FLNB: variants seen among roughly 807,000 people sequenced by gnomAD.
The protein encoded by FLNB is filamin B.
In FLNB, 111 loss-of-function variants were observed where a neutral mutation model predicts 250.6. The observed-to-expected ratio is 0.44, with a 90% CI of 0.38 to 0.52. FLNB has a LOEUF of 0.52. FLNB is among the 20% of genes least tolerant of loss of function. The pLI is 0.00. For synonymous variants in FLNB, 1,302 were observed against 1,372.1 expected (o/e 0.95, Z 1.13); for missense variants, 2,869 against 3,447.8 (o/e 0.83, Z 4.20).
chr3:58,073,964 T>G (rs973571457), intron 1 of FLNB, among the ~76,000 whole-genome samples: 1 of 152,210 alleles, frequency 6.6e-6, no homozygotes, highest in African/African-American at 2.4e-5. Flanking sequence ...AGCAAGAGAA[T>G]CTGTCTCCTG....
intron 28 of FLNB, 99 bp from the exon 29 acceptor site, chr3:58,138,183 C>CATTT (rs1204098988): frequency 1.3e-6 from 2 of 1,525,008 alleles, no homozygotes; most frequent in African/African-American, 2.7e-5. Flanking sequence ...GGAGGCCTAA[C>CATTT]ATTTACAGGC....
chr3:58,111,720 T>A (rs1198690749), intron 16 of FLNB, 71 bp from the exon 17 acceptor site: 1 of 1,118,326 alleles, frequency 8.9e-7, no homozygotes, highest in East Asian at 2.4e-5. Flanking sequence ...GGTTCACCCT[T>A]TGTTGAAGGC....
intron 1 of FLNB, among the ~76,000 whole-genome samples, chr3:58,067,394 T>A (rs921745672): frequency 6.6e-6 from 1 of 152,148 alleles, no homozygotes; most frequent in Non-Finnish European, 1.5e-5. Context: ...TTGTGATCTT[T>A]GAGTAGTTCA....
In FLNB at chr3:58,145,964, T is replaced by A; in HGVS notation, c.5469T>A (p.Ser1823Arg). ...ACGTGAACTACCCCAACAGTGGAAG[T>A]GTTTCTGCATACGGTCCAGGCCTCG... Reference protein sequence around the residue: ...QFYVNYPNSGSVSAYGPGLVY... With the variant: ...QFYVNYPNSGRVSAYGPGLVY... The change falls in exon 33 of 46, where the codon AGT becomes AGA. Residue 1823 changes from serine (S) to arginine (R), a missense_variant. Coordinates refer to ENST00000295956, the MANE Select transcript of FLNB (RefSeq NM_001457.4). 2 of 1,614,178 alleles carry A rather than the reference T, an allele frequency of 1.2e-6. No homozygotes were observed. Among genetic ancestry groups the A allele is most frequent in the Non-Finnish European group, 1.7e-6 (2 of 1,180,026 alleles).
At chr3:58,141,829 C>T (rs2097327619) in intron 29 of FLNB, 29 bp from the exon 30 acceptor site, 1 of 1,607,942 alleles carries the variant, frequency 6.2e-7, no homozygotes, top group South Asian at 1.1e-5. Context: ...AGTATGGTTC[C>T]CAACTAATCT....
chr3:58,106,947 T>A, intron 12 of FLNB, 74 bp downstream of exon 12: 3 of 1,219,076 alleles, frequency 2.5e-6, no homozygotes, highest in Non-Finnish European at 3.6e-6. Flanking sequence ...GAAGTTGCCT[T>A]AAGCAGCATG....
Position 58,123,370 on chromosome 3 carries a change from A to G in FLNB, c.3404A>G (p.Lys1135Arg). ...ATTGAAATGCCCTTTGACCCCTCTA[A>G]AGTCGTGGCATCGGGGCCAGGTCTC... The part of the protein sequence containing the change: ...ADIEMPFDPS[K>R]VVASGPGLEH... The change falls in exon 21 of 46, where the codon AAA becomes AGA. Residue 1135 changes from lysine to arginine, a missense_variant. Around this residue, in one of 5 missense-constraint regions of FLNB, gnomAD observed 1,348 missense variants for 1,466.7 expected, o/e 0.92. Coordinates refer to ENST00000295956, the MANE Select transcript of FLNB (RefSeq NM_001457.4). The G allele has an allele frequency of 1.2e-6, 2 of 1,613,904 alleles. No individual in the cohort carries two copies. Among genetic ancestry groups the G allele is most frequent in the Non-Finnish European group, 1.7e-6 (2 of 1,179,954 alleles).
At chr3:58,155,633 C>T (rs1457536514) in intron 40 of FLNB, among the ~76,000 whole-genome samples, 2 of 152,172 alleles carry the variant, frequency 1.3e-5, no homozygotes, top group African/African-American at 4.8e-5. Flanking sequence ...TTCTTGTCAA[C>T]ATTTCTGAAG....
intron 38 of FLNB, chr3:58,150,493 A>C (rs950670926): frequency 3.9e-6 from 2 of 518,456 alleles, no homozygotes; most frequent in Non-Finnish European, 7.0e-6. Context: ...AAACGTAGAT[A>C]TGCTTTTAGA....
At chr3:58,096,903 G>T (rs975325715) in intron 6 of FLNB, among the ~76,000 whole-genome samples, 1 of 152,236 alleles carries the variant, frequency 6.6e-6, no homozygotes. Context: ...TAGTTCAGCT[G>T]AATATAGTAG....
intron 3 of FLNB, among the ~76,000 whole-genome samples, chr3:58,079,803 G>A (rs1225250335): frequency 1.3e-5 from 2 of 152,180 alleles, no homozygotes; most frequent in East Asian, 3.8e-4. Context: ...CGTGTCCAAA[G>A]GCTAGCCAGG....
intron 1 of FLNB, among the ~76,000 whole-genome samples, chr3:58,022,818 GCTT>G (rs2097115921): frequency 1.3e-5 from 2 of 151,642 alleles, no homozygotes; most frequent in Admixed American, 1.3e-4. Context: ...TTTGAAATTT[GCTT>G]CTTTTTTTTT....
chr3:58,085,327 G>C (rs1358064072), intron 4 of FLNB, among the ~76,000 whole-genome samples: 1 of 152,246 alleles, frequency 6.6e-6, no homozygotes, highest in Non-Finnish European at 1.5e-5. Context: ...GGCCACATGG[G>C]TGGGGCTGTG....
Position 58,008,608 on chromosome 3 carries a change from A to G in FLNB, c.44A>G (p.Lys15Arg). Residue 15 changes from lysine to arginine, a missense_variant, in exon 1 of 46, where the codon AAG becomes AGG. Around this residue, in one of 5 missense-constraint regions of FLNB, gnomAD observed 308 missense variants for 466.1 expected, o/e 0.66. Transcript: ENST00000295956. ...EKDLAEDAPW[K>R]KIQQNTFTRW... ...GATCTAGCTGAGGACGCGCCTTGGAAGAAGATCCAGCAGAACACGTTCACA... is the reference window on the plus strand; with the variant it reads ...GATCTAGCTGAGGACGCGCCTTGGAGGAAGATCCAGCAGAACACGTTCACA... 1 of 1,612,450 alleles carries G rather than the reference A, an allele frequency of 6.2e-7. No homozygotes were observed. The highest frequency in any genetic ancestry group is 8.5e-7 in the Non-Finnish European group (1 of 1,179,472).
At position 58,145,960 on chromosome 3, in the gene FLNB, G is replaced by A. The variant is rs768702826; in HGVS notation, c.5465G>A (p.Gly1822Glu). Residue 1822 changes from glycine (G) to glutamate (E), a missense_variant, in exon 33 of 46, where the codon GGA (glycine) becomes GAA (glutamate). By Grantham distance (98) the Gly-to-Glu change is moderately conservative. Around this residue, in one of 5 missense-constraint regions of FLNB, gnomAD observed 1,084 missense variants for 1,315.5 expected, o/e 0.82. Coordinates refer to ENST00000295956, the MANE Select transcript of FLNB (RefSeq NM_001457.4). ...TTCTACGTGAACTACCCCAACAGTG[G>A]AAGTGTTTCTGCATACGGTCCAGGC... ...LQFYVNYPNSGSVSAYGPGLV... is the reference protein window; with the variant it reads ...LQFYVNYPNSESVSAYGPGLV... 5.0e-6 allele frequency: 8 copies of A among 1,614,186 alleles called. No individual in the cohort carries two copies. The South Asian group carries it at 6.6e-5, about 13-fold the overall frequency.
intron 4 of FLNB, among the ~76,000 whole-genome samples, chr3:58,093,686 C>G (rs1225131616): frequency 6.6e-6 from 1 of 151,950 alleles, no homozygotes; most frequent in African/African-American, 2.4e-5. Context: ...TTTACAGCAG[C>G]TTTATTGGTA....
rs541025292 is a variant in FLNB at position 58,142,895 on chromosome 3, CG to C, written c.5284+144del. ...GAGTTCTTGGTCTCCGGTGTTGGGC[CG>C]TGGGCTCCTGAAACTACAGAATATG... On this transcript the variant is annotated intron_variant, in intron 31 of 45. Transcript: ENST00000295956. The surrounding 1 kb of genome is among the most constrained non-coding windows in gnomAD (Gnocchi z 4.3). The C allele has an allele frequency of 2.7e-3, 1,940 of 713,394 alleles. 3 individuals carry two copies. The highest frequency in any genetic ancestry group is 5.8e-3 in the Middle Eastern group (18 of 3,080). 44.2% of individuals were successfully genotyped at this position (713,394 alleles called of 1,614,324 possible). A position where few individuals can be genotyped will look rare whatever the true frequency, so the allele number is the denominator to read the frequency against.
At chr3:58,087,469 TTTGAGA>T (rs2097219056) in intron 4 of FLNB, among the ~76,000 whole-genome samples, 1 of 152,112 alleles carries the variant, frequency 6.6e-6, no homozygotes, top group Non-Finnish European at 1.5e-5. Flanking sequence ...CTTTTTTTTT[TTTGAGA>T]CGGAGTCTCA....
intron 7 of FLNB, among the ~76,000 whole-genome samples, chr3:58,098,349 G>C (rs2097242679): frequency 6.6e-6 from 1 of 152,084 alleles, no homozygotes. Context: ...TGTTGTTGGG[G>C]GAACAGAGAA....
Sources: gnomAD v4.1 joint callset for allele counts (sites outside exome capture counted in the v4.1 genomes callset) on GRCh38, gnomAD v4.1.1 for gene constraint, gnomAD v4.1.1 regional missense constraint, Gnocchi (gnomAD v3.1) non-coding constraint, MANE v1.5 for transcripts, NCBI Gene and HGNC (gene_info 2026-07-23, HGNC 2026-07-21) for gene names.